The following SYNPO variants were observed in gnomAD, a reference collection of about 807,000 sequenced individuals.
SYNPO encodes the protein synaptopodin.
In SYNPO, 19 loss-of-function variants were observed where a neutral mutation model predicts 49.5. The ratio of observed to expected loss-of-function variants is 0.38; its 90% CI spans 0.27 to 0.56. The LOEUF (loss-of-function observed/expected upper bound fraction) is 0.56, where lower values mean the gene tolerates loss of function less well. Among genes scored for constraint, SYNPO ranks in the 20% least tolerant of loss-of-function variants. The pLI, the probability that SYNPO is intolerant of heterozygous loss-of-function variation, is 0.68. For missense variants in SYNPO, 1,131 were observed against 1,248.3 expected, an observed-to-expected ratio of 0.91 and a Z score of 1.42; for synonymous variants, 536 against 548.0, an observed-to-expected ratio of 0.98 and a Z score of 0.31.
exon 1 of SYNPO, chr5:150,601,170 G>A (rs972297729): frequency 1.3e-5 from 2 of 152,530 alleles, no homozygotes; most frequent in South Asian, 2.1e-4. Flanking sequence ...GTGCCAGAGG[G>A]TGTGGTGTCC....
intron 2 of SYNPO, among the ~76,000 whole-genome samples, chr5:150,630,075 G>A (rs139642908): frequency 1.1e-3 from 162 of 152,284 alleles, no homozygotes; most frequent in African/African-American, 3.8e-3. Context: ...CTAGGGTCCG[G>A]GGCTCTGAGA....
At chr5:150,596,343 C>G (rs939060455), upstream of SYNPO, among the ~76,000 whole-genome samples, 1 of 152,184 alleles carries the variant, frequency 6.6e-6, no homozygotes, top group Non-Finnish European at 1.5e-5. Context: ...CCCTTTTGCT[C>G]TCTAGGCTCT....
At chr5:150,632,666 G>A (rs1021692204) in intron 2 of SYNPO, among the ~76,000 whole-genome samples, 1 of 152,184 alleles carries the variant, frequency 6.6e-6, no homozygotes, top group African/African-American at 2.4e-5. Flanking sequence ...TTATGGGTTT[G>A]GAGAAGGAGT....
chr5:150,641,026 C>A (rs951716329), intron 1 of SYNPO, among the ~76,000 whole-genome samples, 172 bp downstream of exon 1: 2 of 152,168 alleles, frequency 1.3e-5, no homozygotes, highest in Non-Finnish European at 2.9e-5. Flanking sequence ...GGGCTCCCCA[C>A]CCCATTTCTG....
In SYNPO at chr5:150,656,018, T is replaced by C. The variant is rs542719148; in HGVS notation, c.2029-386T>C. Among the ~76,000 whole-genome samples, 18 of 152,382 alleles carry C rather than the reference T, an allele frequency of 1.2e-4. No homozygotes were observed. In the South Asian group the frequency reaches 3.1e-3, roughly 26 times the overall value. ...TTCTTCCAAGGAATGTGCCGATATA[T>C]GTAATGTTCTTTTCCATCAGTTATC... On this transcript the variant is annotated intron_variant, in intron 2 of 2. Transcript: ENST00000307662.
At chr5:150,620,017 A>G (rs541634305) in intron 2 of SYNPO, among the ~76,000 whole-genome samples, 3 of 152,314 alleles carry the variant, frequency 2.0e-5, no homozygotes, top group African/African-American at 7.2e-5. Context: ...TACAGTCTGA[A>G]GTTCCCAGGA....
rs774315632 is a variant in SYNPO at position 150,648,209 on chromosome 5, G to A, written c.-67G>A. 6.9e-6 allele frequency: 11 copies of A among 1,602,704 alleles called. No homozygotes were observed. Among genetic ancestry groups the A allele is most frequent in the Non-Finnish European group, 9.4e-6 (11 of 1,174,422 alleles). On this transcript the variant is annotated 5_prime_UTR_variant, in exon 2 of 3. Transcript: ENST00000307662. This position sits in a 1 kb window ranked among gnomAD's most constrained non-coding sequence, Gnocchi z 5.0. The stretch of plus-strand genomic sequence containing the variant: ...GGCTCAGCCTGAGTTCCACCTCGCT[G>A]CCGGAGCCAGGCCCTCCACGGCACC...
exon 2 of SYNPO, chr5:150,618,236 A>G (rs1757035165): frequency 1.7e-6 from 2 of 1,157,020 alleles, no homozygotes; most frequent in East Asian, 5.3e-5. Flanking sequence ...CAGCGGAGGA[A>G]GGCAAAAGTG....
chr5:150,620,910 T>TTTCTTTCTTTCTTTC (rs1757140128), intron 2 of SYNPO, among the ~76,000 whole-genome samples: 1 of 129,022 alleles, frequency 7.8e-6, no homozygotes, highest in African/African-American at 3.6e-5. Flanking sequence ...TCTTTCTTTC[T>TTTCTTTCTTTCTTTC]TTCTTTCTTT....
At chr5:150,631,170 G>T (rs1480776707) in intron 2 of SYNPO, among the ~76,000 whole-genome samples, 2 of 152,184 alleles carry the variant, frequency 1.3e-5, no homozygotes, top group South Asian at 2.1e-4. Context: ...GTTTATTCAG[G>T]CCCAGCTATG....
At chr5:150,652,833 T>C (rs1758437507) in intron 2 of SYNPO, 1 of 152,168 alleles carries the variant, frequency 6.6e-6, no homozygotes, top group Admixed American at 6.6e-5. Context: ...TTTCTGCCCC[T>C]GGTGGGGAGG....
upstream of SYNPO, chr5:150,640,517 C>A: frequency 2.4e-6 from 1 of 410,970 alleles, no homozygotes; most frequent in Non-Finnish European, 3.3e-6. Flanking sequence ...GGGGAGGCAG[C>A]AGAGGGTTTT....
rs542377558 is a variant in SYNPO at position 150,648,254 on chromosome 5, C to T, written c.-22C>T. ...GGCACCCCAGTCCCCAGAGCCCCGA[C>T]AGAGGGGTCCCTGGCCACAGCATGG... On this transcript the variant is annotated 5_prime_UTR_variant, in exon 2 of 3. Coordinates refer to ENST00000307662, the MANE Select transcript of SYNPO (RefSeq NM_007286.6). This position sits in a 1 kb window ranked among gnomAD's most constrained non-coding sequence, Gnocchi z 5.0. The T allele has an allele frequency of 7.4e-6, 12 of 1,614,034 alleles. No individual in the cohort carries two copies. In the East Asian group the frequency reaches 1.1e-4, roughly 15 times the overall value.
chr5:150,628,377 G>A (rs1398308904), intron 2 of SYNPO, among the ~76,000 whole-genome samples: 1 of 152,166 alleles, frequency 6.6e-6, no homozygotes, highest in Non-Finnish European at 1.5e-5. Flanking sequence ...ATTCTTGGAG[G>A]CATGCCTCAT....
At chr5:150,594,380 C>A in the SYNPO span, among the ~76,000 whole-genome samples, 1 of 152,250 alleles carries the variant, frequency 6.6e-6, no homozygotes, top group African/African-American at 2.4e-5. Flanking sequence ...AAAACCCAGA[C>A]TCTGAGTAGC....
Position 150,649,348 on chromosome 5 carries a change from C to T in SYNPO, c.1073C>T (p.Ala358Val), listed in dbSNP as rs928489254. 3.7e-6 allele frequency: 6 copies of T among 1,614,086 alleles called. No individual in the cohort carries two copies. Among genetic ancestry groups the T allele is most frequent in the Admixed American group, 3.3e-5 (2 of 60,008 alleles). The change falls in exon 2 of 3, where the codon GCG becomes GTG. Residue 358 changes from alanine to valine, a missense_variant. Ala to Val is a moderately conservative substitution (Grantham distance 64). Transcript: ENST00000307662. Reference protein sequence around the residue: ...DPKSSHLKGQAVPASKTGILE... With the variant: ...DPKSSHLKGQVVPASKTGILE... ...AAGTCTTCTCATCTGAAGGGCCAGGCGGTTCCTGCCAGCAAGACGGGCATT... is the reference window on the plus strand; with the variant it reads ...AAGTCTTCTCATCTGAAGGGCCAGGTGGTTCCTGCCAGCAAGACGGGCATT...
Position 150,631,124 on chromosome 5 carries a change from G to A in SYNPO, c.400+12357G>A, listed in dbSNP as rs192823677. ...GCTTTGCAGTCATGATGTGAGCAGT[G>A]TTTCATGCATTTGCTCTTTTACTTA... On this transcript the variant is annotated intron_variant, in intron 2 of 2. Transcript: ENST00000394243. Among the ~76,000 whole-genome samples the A allele has an allele frequency of 2.0e-5, 3 of 152,292 alleles. No homozygotes were observed. The East Asian group carries it at 5.8e-4, about 29-fold the overall frequency.
chr5:150,636,438 T>G (rs935274451), upstream of SYNPO, among the ~76,000 whole-genome samples: 2 of 152,192 alleles, frequency 1.3e-5, no homozygotes, highest in Non-Finnish European at 2.9e-5. Flanking sequence ...TTTGGACAAA[T>G]TGGATGCACT....
Position 150,656,734 on chromosome 5 carries a change from A to T in SYNPO, c.2359A>T (p.Arg787Trp), listed in dbSNP as rs1265924625. The change falls in exon 3 of 3, where the codon AGG becomes TGG. Residue 787 changes from arginine to tryptophan, a missense_variant. Physicochemically the swap from Arg to Trp is moderately radical, Grantham distance 101 (BLOSUM62 -3). This residue lies in a region of SYNPO where 509 missense variants were observed against 484.5 expected (regional missense o/e 1.05). Transcript: ENST00000307662. ...AENPRPFSPPRAPPPPPPPPP... is the reference protein window; with the variant it reads ...AENPRPFSPPWAPPPPPPPPP... ...GAACCCGCGGCCCTTCTCCCCGCCG[A>T]GGGCGCCACCGCCCCCGCCCCCGCC... The T allele has an allele frequency of 7.6e-6, 10 of 1,307,970 alleles. No homozygotes were observed. The East Asian group carries it at 1.3e-4, about 17-fold the overall frequency. 81.0% of individuals were successfully genotyped at this position (1,307,970 alleles called of 1,614,324 possible).
Sources: allele counts gnomAD v4.1 joint callset (sites outside exome capture counted in the v4.1 genomes callset), GRCh38; gene constraint gnomAD v4.1.1; regional missense constraint gnomAD v4.1.1; non-coding constraint Gnocchi (gnomAD v3.1); transcripts MANE v1.5; gene names NCBI Gene and HGNC (gene_info 2026-07-23, HGNC 2026-07-21).